ZFAND4: variants seen among roughly 807,000 people sequenced by gnomAD.
ZFAND4 encodes the protein zinc finger AN1-type containing 4.
In ZFAND4, 43 loss-of-function variants were observed where a neutral mutation model predicts 64.4. The ratio of observed to expected loss-of-function variants is 0.67; its 90% CI spans 0.52 to 0.86. The LOEUF (loss-of-function observed/expected upper bound fraction) is 0.86. Among genes scored for constraint, ZFAND4 ranks in the 40% least tolerant of loss-of-function variants. The pLI, the probability that ZFAND4 is intolerant of heterozygous loss-of-function variation, is 0.00. For missense variants in ZFAND4, 929 were observed against 859.8 expected (o/e 1.08, Z -1.01); for synonymous variants, 296 against 305.7 (o/e 0.97, Z 0.33).
Position 45,624,594 on chromosome 10 carries a change from C to T in ZFAND4, c.1916G>A (p.Gly639Glu). 6.2e-7 allele frequency: 1 copy of T among 1,613,828 alleles called. No individual in the cohort carries two copies. The highest frequency in any genetic ancestry group is 8.5e-7 in the Non-Finnish European group (1 of 1,179,904). ...TATCTGTAGCTTACCTACGCTTTTC[C>T]CTGCTGCTGCATTATTTCCATTCAT... ...VGMNGNNAAA[G>E]KSVGECTTHH... Residue 639 changes from glycine to glutamate, a missense_variant, in exon 8 of 10, where the codon GGG becomes GAG. Physicochemically the swap from Gly to Glu is moderately conservative, Grantham distance 98 (BLOSUM62 -2). Transcript: ENST00000344646.
chr10:45,648,419 T>G lies in ZFAND4; in HGVS notation c.444A>C (p.Gly148=). 6.2e-7 allele frequency: 1 copy of G among 1,614,032 alleles called. No homozygotes were observed. The highest frequency in any genetic ancestry group is 8.5e-7 in the Non-Finnish European group (1 of 1,179,964). ...CTGCAGGAAAGAAATTCAATTGATC[T>G]CCTTCTTGGTATACCAAAAATGTAA... ...KQVTFLVYQE[G]DQLNFFPAVD... Residue 148 remains glycine (G), a synonymous_variant, in exon 5 of 10, where the codon GGA becomes GGC. Transcript: ENST00000344646.
intron 6 of ZFAND4, among the ~76,000 whole-genome samples, 161 bp from the exon 7 acceptor site, chr10:45,627,266 G>T (rs2045902860): frequency 6.6e-6 from 1 of 152,140 alleles, no homozygotes; most frequent in Non-Finnish European, 1.5e-5. Context: ...TTATGACAGA[G>T]AAGATGCTAT....
At chr10:45,671,344 G>A (rs191952059) in intron 1 of ZFAND4, among the ~76,000 whole-genome samples, 503 of 152,310 alleles carry the variant, frequency 3.3e-3, no homozygotes, top group African/African-American at 0.012. Context: ...ATACCCAAAG[G>A]ATTATAAATC....
rs773564700 is a variant in ZFAND4 at position 45,626,827 on chromosome 10, A to G, written c.996T>C (p.Ser332=). 1 of 1,614,224 alleles carries G rather than the reference A, an allele frequency of 6.2e-7. No homozygotes were observed. The highest frequency in any genetic ancestry group is 8.5e-7 in the Non-Finnish European group (1 of 1,180,044). Residue 332 remains serine, a synonymous_variant, in exon 7 of 10, where the codon AGT becomes AGC. Coordinates refer to ENST00000344646, the MANE Select transcript of ZFAND4 (RefSeq NM_174890.4). ...SWENNTLSHF[S]SNVKLPPQIP... ...TCTGAGGAGGTAGTTTGACGTTGCT[A>G]CTGAAGTGAGACAGTGTGTTATTCT...
chr10:45,637,528 G>A (rs1200289232), intron 6 of ZFAND4, among the ~76,000 whole-genome samples: 1 of 152,004 alleles, frequency 6.6e-6, no homozygotes, highest in African/African-American at 2.4e-5. Context: ...GAGGCAGGCA[G>A]ATGACAAGGT....
chr10:45,636,620 G>C (rs2046615869), intron 6 of ZFAND4, among the ~76,000 whole-genome samples: 1 of 151,334 alleles, frequency 6.6e-6, no homozygotes. Flanking sequence ...TTGAGGGACA[G>C]AGCAAGATTC....
chr10:45,649,252 TATAA>T (rs2047603117), intron 4 of ZFAND4, among the ~76,000 whole-genome samples: 1 of 152,094 alleles, frequency 6.6e-6, no homozygotes, highest in Admixed American at 6.6e-5. Context: ...TCTGGTTTTA[TATAA>T]AGGCTGATTC....
At chr10:45,662,083 G>C (rs2048516935) in intron 2 of ZFAND4, among the ~76,000 whole-genome samples, 1 of 152,134 alleles carries the variant, frequency 6.6e-6, no homozygotes, top group African/African-American at 2.4e-5. Flanking sequence ...ATAAATTTCT[G>C]TTGTTTAAGC....
rs1486172015 is a variant in ZFAND4 at position 45,630,789 on chromosome 10, C to A, written c.718-3684G>T. 2.6e-5 allele frequency among the ~76,000 whole-genome samples: 4 copies of A among 150,972 alleles called. No individual in the cohort carries two copies. The East Asian group carries it at 7.8e-4, about 30-fold the overall frequency. ...AAAGAATAAAAATAAAATAAAGAAT[C>A]TAAAAGGATAAGAGAGAAGGTGGTT... is the stretch of plus-strand genomic sequence containing the variant. On this transcript the variant is annotated intron_variant, in intron 6 of 9. Transcript: ENST00000344646.
chr10:45,647,073 T>C (rs2133759677), intron 5 of ZFAND4, among the ~76,000 whole-genome samples: 1 of 152,318 alleles, frequency 6.6e-6, no homozygotes, highest in East Asian at 1.9e-4. Flanking sequence ...TATGGTTTCC[T>C]ACCCTTGAGT....
chr10:45,664,482 T>C (rs1216601468), intron 1 of ZFAND4, among the ~76,000 whole-genome samples: 2 of 151,718 alleles, frequency 1.3e-5, no homozygotes, highest in Non-Finnish European at 2.9e-5. Context: ...TTGGCCAGGA[T>C]GGTCTCGATC....
chr10:45,636,796 A>C lies in ZFAND4; in HGVS notation c.717+3020T>G, dbSNP rs951084543. ...TCAAGTAGGTTGATTAGTGTTGTTC[A>C]AGTCTCCTAAATCCTTCACTGATTT... On this transcript the variant is annotated intron_variant, in intron 6 of 9. Coordinates refer to ENST00000344646, the MANE Select transcript of ZFAND4 (RefSeq NM_174890.4). Among the ~76,000 whole-genome samples the C allele has an allele frequency of 2.6e-4, 40 of 152,134 alleles. 1 individual carries two copies. The highest frequency in any genetic ancestry group is 2.6e-3 in the Admixed American group (40 of 15,274).
chr10:45,664,835 G>A (rs138590458), intron 1 of ZFAND4, among the ~76,000 whole-genome samples: 8,884 of 152,050 alleles, frequency 0.058, 375 homozygotes, highest in African/African-American at 0.12. Context: ...GGAGGCTGAG[G>A]CAGGAGAATG....
intron 2 of ZFAND4, among the ~76,000 whole-genome samples, chr10:45,656,887 G>A (rs1263877653): frequency 1.3e-5 from 2 of 152,126 alleles, no homozygotes; most frequent in African/African-American, 4.8e-5. Flanking sequence ...AAACCAGAAA[G>A]AGTGCCCTCA....
intron 6 of ZFAND4, among the ~76,000 whole-genome samples, chr10:45,630,524 G>A (rs188986069): frequency 1.4e-4 from 21 of 152,128 alleles, no homozygotes; most frequent in East Asian, 1.2e-3. Context: ...TCAGGAGATC[G>A]AGACCATCCT....
At chr10:45,625,722 A>G (rs968835695) in intron 7 of ZFAND4, among the ~76,000 whole-genome samples, 3 of 152,216 alleles carry the variant, frequency 2.0e-5, no homozygotes, top group African/African-American at 7.2e-5. Context: ...TATCTGATAA[A>G]CTGTTTACAT....
rs544084865 is a variant in ZFAND4 at position 45,653,989 on chromosome 10, T to C, written c.185-930A>G. Among the ~76,000 whole-genome samples the C allele has an allele frequency of 2.0e-5, 3 of 152,166 alleles. No homozygotes were observed. The South Asian group carries it at 6.2e-4, about 32-fold the overall frequency. The stretch of plus-strand genomic sequence containing the variant: ...TACACCACAGAACACCATGCGGCCA[T>C]AAAAAGAATAAAATCATGTCCTTTG... On this transcript the variant is annotated intron_variant, in intron 2 of 9. Transcript: ENST00000344646.
intron 4 of ZFAND4, chr10:45,650,316 A>AT (rs1245948226): frequency 1.3e-5 from 2 of 151,976 alleles, no homozygotes; most frequent in African/African-American, 4.8e-5. Context: ...TAATTTTTGT[A>AT]TTTTTAGTAG....
At chr10:45,624,207 C>T (rs1031556970) in intron 8 of ZFAND4, among the ~76,000 whole-genome samples, 8 of 152,174 alleles carry the variant, frequency 5.3e-5, no homozygotes, top group African/African-American at 1.2e-4. Flanking sequence ...TTACCACCAC[C>T]TCTGATGTTT....
Sources: allele counts gnomAD v4.1 joint callset (sites outside exome capture counted in the v4.1 genomes callset), GRCh38; gene constraint gnomAD v4.1.1; transcripts MANE v1.5; gene names NCBI Gene and HGNC (gene_info 2026-07-23, HGNC 2026-07-21).